FOXP1: variants seen among roughly 807,000 people sequenced by gnomAD.
FOXP1 encodes the protein forkhead box protein P1.
A neutral mutation model predicts 98.2 loss-of-function variants in FOXP1; 15 were observed. That is an observed-to-expected ratio of 0.15 (90% CI 0.10 to 0.24). FOXP1 has a LOEUF of 0.24. FOXP1 is among the 10% of genes least tolerant of loss of function. The pLI, the probability that FOXP1 is intolerant of heterozygous loss-of-function variation, is 1.00. For synonymous variants in FOXP1, 371 were observed against 314.5 expected (o/e 1.18, Z -1.90); for missense variants, 633 against 848.5 (o/e 0.75, Z 3.15).
At chr3:71,214,428 A>T (rs2064758091) in intron 5 of FOXP1, among the ~76,000 whole-genome samples, 1 of 152,120 alleles carries the variant, frequency 6.6e-6, no homozygotes, top group African/African-American at 2.4e-5. Context: ...CCACTGGATG[A>T]CTACAGGGTC....
intron 3 of FOXP1, among the ~76,000 whole-genome samples, chr3:71,479,921 G>T (rs2090140897): frequency 6.6e-6 from 1 of 152,080 alleles, no homozygotes; most frequent in East Asian, 1.9e-4. Context: ...AAACAGGCTG[G>T]GTACGGTGGC....
intron 12 of FOXP1, among the ~76,000 whole-genome samples, chr3:71,003,170 A>ACTTAT (rs2042328023): frequency 6.6e-6 from 1 of 152,182 alleles, no homozygotes; most frequent in South Asian, 2.1e-4. Context: ...CCCTCGCCAA[A>ACTTAT]CTGATAAAAG....
intron 4 of FOXP1, among the ~76,000 whole-genome samples, chr3:71,344,713 C>A (rs1477967848): frequency 6.6e-6 from 1 of 152,098 alleles, no homozygotes; most frequent in Non-Finnish European, 1.5e-5. Flanking sequence ...GTGGCATGCA[C>A]CTGTAGTCCA....
intron 11 of FOXP1, among the ~76,000 whole-genome samples, chr3:71,024,154 C>T (rs2045810645): frequency 6.6e-6 from 1 of 152,150 alleles, no homozygotes; most frequent in African/African-American, 2.4e-5. Context: ...GGTCTTACAC[C>T]TGCCCAAAGA....
At chr3:71,125,149 T>C (rs1299830508) in intron 6 of FOXP1, among the ~76,000 whole-genome samples, 1 of 152,130 alleles carries the variant, frequency 6.6e-6, no homozygotes, top group Non-Finnish European at 1.5e-5. Flanking sequence ...AGAGGCCAAA[T>C]ATTGAGCTAG....
At chr3:71,058,638 T>C (rs1007235420) in intron 7 of FOXP1, among the ~76,000 whole-genome samples, 1 of 151,858 alleles carries the variant, frequency 6.6e-6, no homozygotes, top group Non-Finnish European at 1.5e-5. Context: ...AAGTTTTTTA[T>C]GACCATATAC....
chr3:71,013,698 C>A (rs1319678215), intron 12 of FOXP1, among the ~76,000 whole-genome samples: 1 of 152,150 alleles, frequency 6.6e-6, no homozygotes, highest in African/African-American at 2.4e-5. Context: ...CCAAGATAAT[C>A]CTAAGCAAAA....
At chr3:71,184,420 G>C (rs79165273) in intron 6 of FOXP1, among the ~76,000 whole-genome samples, 1 of 152,138 alleles carries the variant, frequency 6.6e-6, no homozygotes, top group Non-Finnish European at 1.5e-5. Context: ...CTGGTTTATA[G>C]GGTTCTGTAG....
chr3:71,246,881 G>A (rs1269705669), intron 5 of FOXP1, among the ~76,000 whole-genome samples: 2 of 151,998 alleles, frequency 1.3e-5, no homozygotes, highest in Non-Finnish European at 2.9e-5. Context: ...TTATGTATAC[G>A]CTCAAATAAA....
intron 13 of FOXP1, among the ~76,000 whole-genome samples, chr3:70,990,087 T>C (rs2040375645): frequency 1.3e-5 from 2 of 152,226 alleles, no homozygotes; most frequent in South Asian, 4.1e-4. Context: ...CATCGTCAAT[T>C]CTGAGAGTTA....
At chr3:70,997,882 T>C (rs893633297) in intron 13 of FOXP1, among the ~76,000 whole-genome samples, 1 of 152,196 alleles carries the variant, frequency 6.6e-6, no homozygotes, top group African/African-American at 2.4e-5. Context: ...TCTGGGTGGA[T>C]GAATGGATGG....
intron 3 of FOXP1, among the ~76,000 whole-genome samples, chr3:71,383,945 C>T (rs373536562): frequency 2.8e-4 from 43 of 152,266 alleles, no homozygotes; most frequent in East Asian, 1.4e-3. Flanking sequence ...CTGGCGGGCG[C>T]GGTGGCTCAC....
chr3:71,046,109 TCCTC>T (rs998765754), intron 10 of FOXP1, among the ~76,000 whole-genome samples: 6 of 152,240 alleles, frequency 3.9e-5, no homozygotes, highest in Non-Finnish European at 7.4e-5. Context: ...TGACATCCCT[TCCTC>T]CTTCCCTCCC....
intron 6 of FOXP1, among the ~76,000 whole-genome samples, chr3:71,125,274 G>A (rs1335743981): frequency 6.6e-6 from 1 of 152,168 alleles, no homozygotes; most frequent in Admixed American, 6.5e-5. Context: ...TTTATGTAAT[G>A]TGGTCAAGGT....
At chr3:71,366,932 G>A (rs892910576) in intron 3 of FOXP1, among the ~76,000 whole-genome samples, 28 of 152,262 alleles carry the variant, frequency 1.8e-4, no homozygotes, top group Admixed American at 1.6e-3. Context: ...ATTGCTTGCG[G>A]ATTATGGCTG....
chr3:71,477,171 C>A (rs536076459), intron 3 of FOXP1, among the ~76,000 whole-genome samples: 15 of 152,290 alleles, frequency 9.8e-5, no homozygotes, highest in South Asian at 6.2e-4. Context: ...CAGCGCCCCC[C>A]AGAAGATCCA....
At chr3:71,480,688 G>A (rs1289096319) in intron 3 of FOXP1, among the ~76,000 whole-genome samples, 1 of 152,142 alleles carries the variant, frequency 6.6e-6, no homozygotes, top group East Asian at 1.9e-4. Context: ...CCTGGAGTGG[G>A]CTCAAGAAGA....
At chr3:71,071,497 T>C (rs2107431182) in intron 7 of FOXP1, among the ~76,000 whole-genome samples, 1 of 152,348 alleles carries the variant, frequency 6.6e-6, no homozygotes, top group South Asian at 2.1e-4. Context: ...AGTGTGATTG[T>C]GGGCAAGTCA....
intron 17 of FOXP1, among the ~76,000 whole-genome samples, chr3:70,976,640 G>A (rs2037600878): frequency 6.6e-6 from 1 of 152,148 alleles, no homozygotes; most frequent in Non-Finnish European, 1.5e-5. Flanking sequence ...AAGTAATATG[G>A]CAACCTCCAC....
Sources: gnomAD v4.1 joint callset for allele counts (sites outside exome capture counted in the v4.1 genomes callset) on GRCh38, gnomAD v4.1.1 for gene constraint, MANE v1.5 for transcripts, NCBI Gene and HGNC (gene_info 2026-07-23, HGNC 2026-07-21) for gene names.